CASK: variants seen among roughly 807,000 people sequenced by gnomAD.
CASK encodes calcium/calmodulin dependent serine protein kinase.
A neutral mutation model predicts 82.9 loss-of-function variants in CASK; 4 were observed. The observed-to-expected ratio is 0.05, with a 90% CI of 0.02 to 0.11. The LOEUF (loss-of-function observed/expected upper bound fraction) is 0.11, where lower values mean the gene tolerates loss of function less well. CASK is among the 10% of genes least tolerant of loss of function. CASK has a pLI of 1.00. For synonymous variants in CASK, 259 were observed against 253.5 expected (o/e 1.02, Z -0.20); for missense variants, 358 against 720.9 (o/e 0.50, Z 5.76).
chrX:41,769,532 C>T lies in CASK; in HGVS notation c.278+17646G>A, dbSNP rs544798259. On this transcript the variant is annotated intron_variant, in intron 3 of 26. Coordinates refer to ENST00000378163, the MANE Select transcript of CASK (RefSeq NM_001367721.1). Reference sequence around the variant, plus strand: ...AGGGGTGAACTGGAAGCAATCAGCCCCTTCACAGACTTGCAACCCGGCTTT... The same window carrying T: ...AGGGGTGAACTGGAAGCAATCAGCCTCTTCACAGACTTGCAACCCGGCTTT... Among the ~76,000 whole-genome samples the T allele has an allele frequency of 1.3e-4, 14 of 111,050 alleles. No individual in the cohort carries two copies. The South Asian group carries it at 5.4e-3, about 43-fold the overall frequency.
intron 2 of CASK, among the ~76,000 whole-genome samples, chrX:41,789,485 G>A (rs372721608): frequency 1.8e-5 from 2 of 111,320 alleles, no homozygotes; most frequent in Admixed American, 1.9e-4. Context: ...TCCAAAAGTA[G>A]TTAGGAAGGC....
At chrX:41,720,833 C>T (rs779990260) in intron 5 of CASK, among the ~76,000 whole-genome samples, 235 of 111,588 alleles carry the variant, frequency 2.1e-3, no homozygotes, top group African/African-American at 7.4e-3. Context: ...TGTCCACATG[C>T]CTGCCCTTTG....
At chrX:41,558,366 T>C (rs2065184782) in intron 18 of CASK, 1 of 109,351 alleles carries the variant, frequency 9.1e-6, no homozygotes, top group Admixed American at 9.8e-5. Context: ...TCTATGATAC[T>C]GGTTCCACCC....
At position 41,899,543 on chromosome X, in the gene CASK, T is replaced by A. The variant is rs374792813; in HGVS notation, c.59+23387A>T. Among the ~76,000 whole-genome samples the A allele has an allele frequency of 3.6e-5, 4 of 111,768 alleles. No homozygotes were observed. In the East Asian group the frequency reaches 1.1e-3, roughly 31 times the overall value. Reference sequence around the variant, plus strand: ...CTCTGTAAGAGAATGCTTTGATTCCTTTATCTTTTGTGAATCTACTACAGA... The same window carrying A: ...CTCTGTAAGAGAATGCTTTGATTCCATTATCTTTTGTGAATCTACTACAGA... On this transcript the variant is annotated intron_variant, in intron 1 of 26. Transcript: ENST00000378163.
chrX:41,534,858 G>T, intron 23 of CASK, 35 bp downstream of exon 23: 1 of 1,145,774 alleles, frequency 8.7e-7, no homozygotes, highest in Non-Finnish European at 1.2e-6. Context: ...TTTTGAAAGT[G>T]AGAATAAGCA....
chrX:41,553,233 A>T lies in CASK; in HGVS notation c.2039+486T>A, dbSNP rs751381570. On this transcript the variant is annotated intron_variant, in intron 21 of 26. Coordinates refer to ENST00000378163, the MANE Select transcript of CASK (RefSeq NM_001367721.1). ...GGTATTTTTAAAGGACTGGCAAGGT[A>T]AAGAACAAAGCTTCTGACTACCTCC... is the stretch of plus-strand genomic sequence containing the variant. 8.9e-5 allele frequency among the ~76,000 whole-genome samples: 10 copies of T among 112,116 alleles called. No homozygotes were observed. In the East Asian group the frequency reaches 2.5e-3, roughly 28 times the overall value.
chrX:41,681,827 T>C (rs919354743), intron 5 of CASK, among the ~76,000 whole-genome samples: 12 of 109,070 alleles, frequency 1.1e-4, no homozygotes, highest in African/African-American at 4.0e-4. Flanking sequence ...CGCCTGTAAA[T>C]CCCAGCTACT....
chrX:41,555,713 C>T (rs2065152085), intron 19 of CASK, 78 bp from the exon 20 acceptor site: 2 of 716,088 alleles, frequency 2.8e-6, no homozygotes, highest in Non-Finnish European at 4.4e-6. Flanking sequence ...TGTTCTGTTA[C>T]AATATGGTTA....
rs1196987717 is a variant in CASK, at chrX:41,674,825, A to T, written c.430-3295T>A. On this transcript the variant is annotated intron_variant, in intron 5 of 26. Transcript: ENST00000378163. ...AAAAGCTGTAGAGAAAGTAGTTGAAAAGTCCATTCATAAAACTTTTATTCC... is the reference window on the plus strand; with the variant it reads ...AAAAGCTGTAGAGAAAGTAGTTGAATAGTCCATTCATAAAACTTTTATTCC... Among the ~76,000 whole-genome samples, 5 of 111,678 alleles carry T rather than the reference A, an allele frequency of 4.5e-5. No homozygotes were observed. The Admixed American group carries it at 4.8e-4, about 11-fold the overall frequency.
intron 2 of CASK, among the ~76,000 whole-genome samples, chrX:41,846,640 G>C: frequency 8.9e-6 from 1 of 111,846 alleles, no homozygotes; most frequent in Non-Finnish European, 1.9e-5. Flanking sequence ...AATGTTTGAA[G>C]TGATGAATAC....
At position 41,517,388 on chromosome X, in the gene CASK, C is replaced by T. The variant is rs1257317423; in HGVS notation, c.*3032G>A. 1.4e-5 allele frequency: 2 copies of T among 145,317 alleles called. No homozygotes were observed. The highest frequency in any genetic ancestry group is 1.9e-4 in the East Asian group (1 of 5,379). 12.0% of individuals were successfully genotyped at this position (145,317 alleles called of 1,213,427 possible). A position where few individuals can be genotyped will look rare whatever the true frequency, so the allele number is the denominator to read the frequency against. On this transcript the variant is annotated 3_prime_UTR_variant, in exon 27 of 27. Transcript: ENST00000378163. ...GCATTTAAAAAGGCTACAATGTTAT[C>T]TTGACACTGGGAAACTTCCAGATGA...
At chrX:41,624,897 T>C (rs1175420757) in intron 10 of CASK, among the ~76,000 whole-genome samples, 1 of 111,265 alleles carries the variant, frequency 9.0e-6, no homozygotes, top group Non-Finnish European at 1.9e-5. Flanking sequence ...TATATGAATA[T>C]TGATGAAGCT....
At chrX:41,789,339 C>A (rs2069672212) in intron 2 of CASK, among the ~76,000 whole-genome samples, 1 of 111,514 alleles carries the variant, frequency 9.0e-6, no homozygotes, top group African/African-American at 3.3e-5. Flanking sequence ...CCTGCAGAGT[C>A]TACCAAATCA....
chrX:41,697,305 A>G (rs181286822), intron 5 of CASK: 1 of 123,573 alleles, frequency 8.1e-6, no homozygotes, highest in East Asian at 2.8e-4. Flanking sequence ...CTGCTTAGAT[A>G]AAAAGGGAAA....
chrX:41,877,211 C>A (rs923746205), intron 1 of CASK, among the ~76,000 whole-genome samples: 1 of 111,712 alleles, frequency 9.0e-6, no homozygotes, highest in Non-Finnish European at 1.9e-5. Flanking sequence ...CAATCAACTT[C>A]CCTGATTGGA....
intron 1 of CASK, among the ~76,000 whole-genome samples, chrX:41,922,686 G>A (rs940100200): frequency 4.5e-5 from 5 of 111,670 alleles, no homozygotes; most frequent in African/African-American, 1.3e-4. Context: ...GCAGGCAGCC[G>A]GCCCCACGCC....
chrX:41,897,283 T>C (rs1285454030), intron 1 of CASK, among the ~76,000 whole-genome samples: 1 of 111,646 alleles, frequency 9.0e-6, no homozygotes, highest in African/African-American at 3.3e-5. Context: ...ATGTTCTTTC[T>C]ACACCTAATT....
intron 22 of CASK, among the ~76,000 whole-genome samples, chrX:41,537,229 A>G (rs1483341424): frequency 8.9e-6 from 1 of 112,346 alleles, no homozygotes; most frequent in Non-Finnish European, 1.9e-5. Flanking sequence ...TATCTTAACC[A>G]TAAATGAGCA....
chrX:41,714,349 T>C (rs2068028022), intron 5 of CASK, among the ~76,000 whole-genome samples: 1 of 111,851 alleles, frequency 8.9e-6, no homozygotes, highest in African/African-American at 3.3e-5. Context: ...GTTAGGAAAG[T>C]AAGCATTGAG....
Sources: gnomAD v4.1 joint callset for allele counts (sites outside exome capture counted in the v4.1 genomes callset) on GRCh38, gnomAD v4.1.1 for gene constraint, MANE v1.5 for transcripts, NCBI Gene and HGNC (gene_info 2026-07-23, HGNC 2026-07-21) for gene names.